SVOP: variants seen among roughly 807,000 people sequenced by gnomAD.
SVOP encodes synaptic vesicle 2-related protein.
Under a neutral mutation model 69.1 loss-of-function variants are expected in SVOP, and 17 were observed. That is an observed-to-expected ratio of 0.25 (90% CI 0.17 to 0.37). The LOEUF is 0.37. Ranked by LOEUF, SVOP falls within the 10% of genes least tolerant of loss-of-function variation. SVOP has a pLI of 1.00. For missense variants in SVOP, 435 were observed against 597.5 expected (o/e 0.73, Z 2.84); for synonymous variants, 238 against 238.6 (o/e 1.00, Z 0.02).
At chr12:108,937,165 C>T in intron 10 of SVOP, 99 bp downstream of exon 10, 1 of 1,248,862 alleles carries the variant, frequency 8.0e-7, no homozygotes, top group African/African-American at 1.5e-5. Context: ...CAAACGCTGC[C>T]TGAAATCAAA....
At chr12:108,928,206 C>A (rs1247026431) in intron 11 of SVOP, among the ~76,000 whole-genome samples, 1 of 151,860 alleles carries the variant, frequency 6.6e-6, no homozygotes, top group Non-Finnish European at 1.5e-5. Flanking sequence ...GCGCAGCCAA[C>A]CCCCACACCC....
intron 1 of SVOP, among the ~76,000 whole-genome samples, chr12:108,998,028 A>G (rs1201648295): frequency 6.7e-6 from 1 of 150,250 alleles, no homozygotes; most frequent in East Asian, 2.0e-4. Context: ...ACGGGAGGAC[A>G]TTCAAACCAA....
At chr12:108,946,752 T>C (rs1310429757) in intron 6 of SVOP, among the ~76,000 whole-genome samples, 2 of 151,076 alleles carry the variant, frequency 1.3e-5, no homozygotes, top group Non-Finnish European at 3.0e-5. Context: ...AGGGTCTTAC[T>C]CTGTCGCTCA....
intron 2 of SVOP, among the ~76,000 whole-genome samples, chr12:108,979,356 C>G (rs1385545893): frequency 6.6e-6 from 1 of 152,182 alleles, no homozygotes; most frequent in East Asian, 1.9e-4. Context: ...CCTCCTGCCT[C>G]AGCCTCCCAA....
At chr12:108,991,378 T>C (rs1442690116) in intron 1 of SVOP, among the ~76,000 whole-genome samples, 1 of 152,034 alleles carries the variant, frequency 6.6e-6, no homozygotes, top group East Asian at 1.9e-4. Context: ...GGCAGGAGGA[T>C]TGCTTGAGAC....
intron 1 of SVOP, among the ~76,000 whole-genome samples, chr12:108,998,615 G>A (rs980762529): frequency 1.1e-3 from 163 of 152,176 alleles, no homozygotes; most frequent in Non-Finnish European, 1.7e-3. Context: ...CAGATCTCTC[G>A]GCAGAAACCC....
intron 1 of SVOP, among the ~76,000 whole-genome samples, chr12:109,004,743 ATTTAT>A (rs1434662372): frequency 4.9e-5 from 3 of 60,730 alleles, no homozygotes; most frequent in South Asian, 6.4e-4. Context: ...ATTTCATTTC[ATTTAT>A]TTTATTTTAG....
intron 1 of SVOP, among the ~76,000 whole-genome samples, chr12:108,985,412 C>G (rs1360345891): frequency 2.0e-5 from 3 of 152,106 alleles, no homozygotes; most frequent in Non-Finnish European, 4.4e-5. Context: ...TCACTCACGC[C>G]TATAATCTCC....
chr12:108,981,385 T>G (rs1372621177), intron 2 of SVOP, among the ~76,000 whole-genome samples: 2 of 152,176 alleles, frequency 1.3e-5, no homozygotes, highest in Non-Finnish European at 2.9e-5. Context: ...CCACCTTATC[T>G]CTGCCAACAA....
At chr12:108,971,428 CAAA>C (rs563114992) in intron 5 of SVOP, among the ~76,000 whole-genome samples, 103,711 of 142,770 alleles carry the variant, frequency 0.73, 36,569 homozygotes, top group South Asian at 0.81. Context: ...GACTCCGTCT[CAAA>C]AAAAAAAAAA....
chr12:108,972,413 T>C lies in SVOP; in HGVS notation c.445A>G (p.Arg149Gly). ...LWGNISDQYG[R>G]KTGLKISVLW... ...GAGTAAGTTTGCCTTACTGTTTTCC[T>C]GCCGTACTGGTCTGAGATATTTCCC... Residue 149 changes from arginine to glycine, a missense_variant, in exon 5 of 16, where the codon AGG becomes GGG. Coordinates refer to ENST00000610966, the MANE Select transcript of SVOP (RefSeq NM_018711.5). The C allele has an allele frequency of 6.5e-7, 1 of 1,537,246 alleles. No individual in the cohort carries two copies. The highest frequency in any genetic ancestry group is 8.7e-7 in the Non-Finnish European group (1 of 1,146,900).
At chr12:109,019,449 T>A (rs2040384517) in intron 1 of SVOP, among the ~76,000 whole-genome samples, 1 of 152,186 alleles carries the variant, frequency 6.6e-6, no homozygotes, top group South Asian at 2.1e-4. Context: ...AAACCACAGT[T>A]CCAATATGTA....
intron 7 of SVOP, among the ~76,000 whole-genome samples, chr12:108,943,835 TCC>T (rs1235920960): frequency 3.3e-5 from 5 of 149,804 alleles, no homozygotes; most frequent in Non-Finnish European, 7.4e-5. Flanking sequence ...CTCCTCCTCC[TCC>T]TCCTCCTTCT....
intron 6 of SVOP, among the ~76,000 whole-genome samples, chr12:108,950,765 G>A (rs1318082591): frequency 1.3e-5 from 2 of 152,132 alleles, no homozygotes; most frequent in Non-Finnish European, 2.9e-5. Flanking sequence ...AATTATGAAT[G>A]CTTAGGTTGT....
At chr12:108,973,902 C>G (rs951757820) in intron 4 of SVOP, among the ~76,000 whole-genome samples, 1 of 152,224 alleles carries the variant, frequency 6.6e-6, no homozygotes, top group African/African-American at 2.4e-5. Context: ...TGATGATGCA[C>G]TTACAGATGA....
chr12:108,991,437 TTTTGCTTGTTTGTTTG>T (rs1281961753), intron 1 of SVOP, among the ~76,000 whole-genome samples: 12 of 150,690 alleles, frequency 8.0e-5, no homozygotes, highest in Middle Eastern at 3.4e-3. Context: ...CCATCTCGGG[TTTTGCTTGTTTGTTTG>T]TTTGTTTGTT....
chr12:108,937,544 T>C (rs2039863762), intron 9 of SVOP, among the ~76,000 whole-genome samples: 1 of 152,028 alleles, frequency 6.6e-6, no homozygotes, highest in Admixed American at 6.6e-5. Flanking sequence ...AGGGGCATGA[T>C]CCCCACAGGA....
chr12:109,004,774 G>A (rs1284405001), intron 1 of SVOP, among the ~76,000 whole-genome samples: 1 of 151,508 alleles, frequency 6.6e-6, no homozygotes, highest in Non-Finnish European at 1.5e-5. Context: ...GTCTCACTCT[G>A]CCACCCAGGC....
At chr12:108,998,095 C>T (rs2040247127) in intron 1 of SVOP, among the ~76,000 whole-genome samples, 1 of 151,922 alleles carries the variant, frequency 6.6e-6, no homozygotes, top group Non-Finnish European at 1.5e-5. Flanking sequence ...ACTAGAATAA[C>T]CAATACAGAG....
Sources: gnomAD v4.1 joint callset for allele counts (sites outside exome capture counted in the v4.1 genomes callset) on GRCh38, gnomAD v4.1.1 for gene constraint, MANE v1.5 for transcripts, NCBI Gene and HGNC (gene_info 2026-07-23, HGNC 2026-07-21) for gene names.